The following FCER1G variants were observed in gnomAD, a reference collection of about 807,000 sequenced individuals.
FCER1G encodes the protein Fc epsilon receptor Ig.
In FCER1G, 7 loss-of-function variants were observed where a neutral mutation model predicts 17.3. That is an observed-to-expected ratio of 0.40 (90% CI 0.23 to 0.76). The LOEUF (loss-of-function observed/expected upper bound fraction) is 0.76, where lower values mean the gene tolerates loss of function less well. Among genes scored for constraint, FCER1G ranks in the 30% least tolerant of loss-of-function variants. The pLI is 0.35. For synonymous variants in FCER1G, 35 were observed against 38.7 expected, an observed-to-expected ratio of 0.90 and a Z score of 0.35; for missense variants, 87 against 97.7, an observed-to-expected ratio of 0.89 and a Z score of 0.46.
chr1:161,217,898 T>C (rs1666080818), intron 1 of FCER1G, 88 bp from the exon 2 acceptor site: 5 of 897,868 alleles, frequency 5.6e-6, no homozygotes, highest in African/African-American at 1.6e-5. Flanking sequence ...GGCCCTGTCC[T>C]ACCTCCCAGA....
Position 161,216,425 on chromosome 1 carries a change from TATAGAG to T in FCER1G, c.49+1057_49+1062del, listed in dbSNP as rs1481811226. Among the ~76,000 whole-genome samples the T allele has an allele frequency of 1.3e-4, 19 of 140,874 alleles. No homozygotes were observed. The East Asian group carries it at 2.4e-3, about 18-fold the overall frequency. 92.4% of individuals were successfully genotyped at this position (140,874 alleles called of 152,430 possible). On this transcript the variant is annotated intron_variant, in intron 1 of 4. Coordinates refer to ENST00000289902, the MANE Select transcript of FCER1G (RefSeq NM_004106.2). ...ACACACACACACATATATATATATA[TATAGAG>T]AGAGAGAGAGAGAGAGAGATAACCC...
rs1188468786 is a variant in FCER1G, at chr1:161,216,419, T to TAGAG, written c.49+1050_49+1051insGAGA. 6.2e-4 allele frequency among the ~76,000 whole-genome samples: 89 copies of TAGAG among 142,582 alleles called. 2 individuals carry two copies. In the East Asian group the frequency reaches 0.018, roughly 28 times the overall value. 93.5% of individuals were successfully genotyped at this position (142,582 alleles called of 152,430 possible). A position where few individuals can be genotyped will look rare whatever the true frequency, so the allele number is the denominator to read the frequency against. ...ACACACACACACACACACATATATA[T>TAGAG]ATATATATAGAGAGAGAGAGAGAGA... On this transcript the variant is annotated intron_variant, in intron 1 of 4. Coordinates refer to ENST00000289902, the MANE Select transcript of FCER1G (RefSeq NM_004106.2).
intron 1 of FCER1G, among the ~76,000 whole-genome samples, chr1:161,216,411 C>CATATAT (rs71090369): frequency 1.5e-5 from 2 of 129,748 alleles, no homozygotes; most frequent in African/African-American, 3.0e-5. Flanking sequence ...CACACACACA[C>CATATAT]ATATATATAT....
Position 161,218,134 on chromosome 1 carries a change from G to A in FCER1G, c.141+57G>A, listed in dbSNP as rs574592954. On this transcript the variant is annotated intron_variant, in intron 2 of 4. Coordinates refer to ENST00000289902, the MANE Select transcript of FCER1G (RefSeq NM_004106.2). Reference sequence around the variant, plus strand: ...AAGGGGAAGTGGGAGGAGGGCAGCAGCAAGGATTCGAAGAGAAGGAATAAA... The same window carrying A: ...AAGGGGAAGTGGGAGGAGGGCAGCAACAAGGATTCGAAGAGAAGGAATAAA... 491 of 1,535,300 alleles carry A rather than the reference G, an allele frequency of 3.2e-4. 1 individual carries two copies. Among genetic ancestry groups the A allele is most frequent in the Middle Eastern group, 1.2e-3 (7 of 5,896 alleles).
intron 4 of FCER1G, 51 bp from the exon 5 acceptor site, chr1:161,218,830 G>A (rs1195826888): frequency 1.3e-6 from 2 of 1,582,852 alleles, no homozygotes; most frequent in Admixed American, 1.7e-5. Context: ...GAGGTGGGAG[G>A]GGCCTCTGAT....
At chr1:161,216,409 CACATATAT>C (rs1319149468) in intron 1 of FCER1G, among the ~76,000 whole-genome samples, 1 of 141,812 alleles carries the variant, frequency 7.1e-6, no homozygotes, top group Admixed American at 7.0e-5. Context: ...CACACACACA[CACATATAT>C]ATATATATAT....
chr1:161,218,642 A>T, intron 3 of FCER1G, 61 bp from the exon 4 acceptor site: 1 of 1,595,396 alleles, frequency 6.3e-7, no homozygotes. Context: ...GGTGGGGCAG[A>T]TGCTGAGGGG....
chr1:161,215,919 C>CT (rs955132134), intron 1 of FCER1G, among the ~76,000 whole-genome samples: 4 of 151,970 alleles, frequency 2.6e-5, no homozygotes, highest in Non-Finnish European at 5.9e-5. Flanking sequence ...AAGACAGGGT[C>CT]TTACTATGTT....
At chr1:161,216,320 A>G (rs1488148345) in intron 1 of FCER1G, among the ~76,000 whole-genome samples, 1 of 151,622 alleles carries the variant, frequency 6.6e-6, no homozygotes, top group African/African-American at 2.4e-5. Flanking sequence ...TCAAAAAAAA[A>G]AAAAAGATTT....
Position 161,219,085 on chromosome 1 carries a change from A to AGTGGT in FCER1G, c.*143_*147dup, listed in dbSNP as rs1666110889. 3 of 650,766 alleles carry AGTGGT rather than the reference A, an allele frequency of 4.6e-6. No homozygotes were observed. The highest frequency in any genetic ancestry group is 8.4e-6 in the Non-Finnish European group (3 of 358,504). The allele number at this position is 650,766 out of a possible 1,614,324, so 40.3% of individuals were successfully genotyped here. On this transcript the variant is annotated 3_prime_UTR_variant, in exon 5 of 5. Coordinates refer to ENST00000289902, the MANE Select transcript of FCER1G (RefSeq NM_004106.2). ...CCTGTGTCCTAAATTAATATACACC[A>AGTGGT]GTGGTTCCTCCTCCCTGTTAAAGAC...
chr1:161,218,771 G>C (rs2102065452), intron 4 of FCER1G, 48 bp downstream of exon 4: 11 of 1,610,846 alleles, frequency 6.8e-6, no homozygotes, highest in Middle Eastern at 1.7e-4. Flanking sequence ...GAAGAGGGTG[G>C]GATTTTGAGC....
intron 1 of FCER1G, 26 bp downstream of exon 1, chr1:161,215,396 G>T: frequency 3.1e-6 from 5 of 1,607,190 alleles, no homozygotes; most frequent in Non-Finnish European, 4.3e-6. Context: ...GAGGGATAGC[G>T]TGAGCTGGCT....
Position 161,215,296 on chromosome 1 carries a change from T to G in FCER1G, c.-26T>G. 1.2e-6 allele frequency: 2 copies of G among 1,612,578 alleles called. No individual in the cohort carries two copies. Among genetic ancestry groups the G allele is most frequent in the Non-Finnish European group, 1.7e-6 (2 of 1,178,784 alleles). On this transcript the variant is annotated 5_prime_UTR_variant, in exon 1 of 5. Coordinates refer to ENST00000289902, the MANE Select transcript of FCER1G (RefSeq NM_004106.2). The stretch of plus-strand genomic sequence containing the variant: ...CGCTGAGCACAGCTGCACAGTGCTG[T>G]CAGAACGGCCGATCTCCAGCCCAAG...
intron 3 of FCER1G, 75 bp downstream of exon 3, chr1:161,218,351 C>T (rs112654214): frequency 3.5e-5 from 46 of 1,328,460 alleles, no homozygotes; most frequent in South Asian, 2.1e-4. Context: ...CCTGGGTTTC[C>T]GGGCCTCTGG....
intron 1 of FCER1G, among the ~76,000 whole-genome samples, 159 bp downstream of exon 1, chr1:161,215,529 G>T (rs746907814): frequency 6.6e-6 from 1 of 152,026 alleles, no homozygotes; most frequent in Non-Finnish European, 1.5e-5. Flanking sequence ...CCGACCCAGG[G>T]CACTAGACTC....
intron 3 of FCER1G, 105 bp downstream of exon 3, chr1:161,218,381 G>A: frequency 1.0e-6 from 1 of 958,904 alleles, no homozygotes; most frequent in African/African-American, 1.6e-5. Flanking sequence ...CCTCTCAGGT[G>A]CTGATCTGCA....
rs538083329 is a variant in FCER1G, at chr1:161,218,038, G to A, written c.102G>A (p.Leu34=). 13 of 1,614,058 alleles carry A rather than the reference G, an allele frequency of 8.1e-6. No individual in the cohort carries two copies. The highest frequency in any genetic ancestry group is 1.3e-5 in the African/African-American group (1 of 75,004). ...ATATCCTGGATGCCATCCTGTTTCT[G>A]TATGGAATTGTCCTCACCCTCCTCT... ...LCYILDAILF[L]YGIVLTLLYC... The change falls in exon 2 of 5, where the codon CTG becomes CTA. Residue 34 remains leucine (L), a synonymous_variant. Transcript: ENST00000289902.
chr1:161,216,003 GC>G (rs1283693504), intron 1 of FCER1G, among the ~76,000 whole-genome samples: 1 of 152,136 alleles, frequency 6.6e-6, no homozygotes, highest in Non-Finnish European at 1.5e-5. Context: ...ACTGTGCCTG[GC>G]TGACTTTTCT....
In FCER1G at chr1:161,217,249, A is replaced by G. The variant is rs759740049; in HGVS notation, c.50-737A>G. 3.7e-4 allele frequency among the ~76,000 whole-genome samples: 56 copies of G among 152,102 alleles called. 1 individual carries two copies. Among genetic ancestry groups the G allele is most frequent in the Non-Finnish European group, 1.2e-4 (8 of 68,006 alleles). On this transcript the variant is annotated intron_variant, in intron 1 of 4. Transcript: ENST00000289902. ...GATTTGATTTTTTAAATTGCACAAAACTTCCCCTCTCAGAGACCCAGAGAG... is the reference window on the plus strand; with the variant it reads ...GATTTGATTTTTTAAATTGCACAAAGCTTCCCCTCTCAGAGACCCAGAGAG...
Sources: allele counts gnomAD v4.1 joint callset (sites outside exome capture counted in the v4.1 genomes callset), GRCh38; gene constraint gnomAD v4.1.1; transcripts MANE v1.5; gene names NCBI Gene and HGNC (gene_info 2026-07-23, HGNC 2026-07-21).